ARIH2: variants seen among roughly 807,000 people sequenced by gnomAD.
The protein encoded by ARIH2 is E3 ubiquitin-protein ligase ARIH2.
ARIH2 carries 12 observed loss-of-function variants against 79.8 expected under a neutral mutation model. The ratio of observed to expected loss-of-function variants is 0.15; its 90% CI spans 0.10 to 0.24. The LOEUF is 0.24. Ranked by LOEUF, ARIH2 falls within the 10% of genes least tolerant of loss-of-function variation. The pLI, the probability that ARIH2 is intolerant of heterozygous loss-of-function variation, is 1.00. For synonymous variants in ARIH2, 224 were observed against 213.9 expected, an observed-to-expected ratio of 1.05 and a Z score of -0.41; for missense variants, 301 against 618.3, an observed-to-expected ratio of 0.49 and a Z score of 5.44.
intron 3 of ARIH2, among the ~76,000 whole-genome samples, chr3:48,929,839 A>C (rs1233534654): frequency 6.6e-6 from 1 of 152,180 alleles, no homozygotes; most frequent in Non-Finnish European, 1.5e-5. Context: ...TAGATTTCCT[A>C]GTCCCTGATA....
intron 3 of ARIH2, among the ~76,000 whole-genome samples, chr3:48,951,420 T>A (rs2089942278): frequency 6.6e-6 from 1 of 152,200 alleles, no homozygotes; most frequent in Non-Finnish European, 1.5e-5. Flanking sequence ...TGGGGTTTTT[T>A]TTCTTGGTTA....
chr3:48,930,440 C>A (rs1310783926), intron 3 of ARIH2, among the ~76,000 whole-genome samples: 1 of 152,058 alleles, frequency 6.6e-6, no homozygotes, highest in South Asian at 2.1e-4. Flanking sequence ...TGAGATTGCC[C>A]CCACTATACT....
intron 7 of ARIH2, 59 bp downstream of exon 7, chr3:48,968,714 C>T: frequency 6.4e-7 from 1 of 1,574,102 alleles, no homozygotes; most frequent in South Asian, 1.1e-5. Context: ...ATCAGAGGGT[C>T]ACCACAGTTA....
chr3:48,971,267 C>T (rs1311697368), intron 8 of ARIH2, among the ~76,000 whole-genome samples: 1 of 152,092 alleles, frequency 6.6e-6, no homozygotes, highest in Non-Finnish European at 1.5e-5. Flanking sequence ...TTTCTTGAGA[C>T]GGAGTCTTTC....
intron 3 of ARIH2, among the ~76,000 whole-genome samples, chr3:48,936,607 C>A (rs2087156565): frequency 6.6e-6 from 1 of 152,012 alleles, no homozygotes; most frequent in South Asian, 2.1e-4. Context: ...GTGGTGCATG[C>A]CTGTAGTTCC....
At position 48,965,339 on chromosome 3, in the gene ARIH2, G is replaced by A. The variant is rs539305240; in HGVS notation, c.387+357G>A. Among the ~76,000 whole-genome samples, 1,118 of 152,080 alleles carry A rather than the reference G, an allele frequency of 7.4e-3. 6 individuals are homozygous for A. Among genetic ancestry groups the A allele is most frequent in the Non-Finnish European group, 0.012 (849 of 67,972 alleles). On this transcript the variant is annotated intron_variant, in intron 5 of 15. Transcript: ENST00000356401. Reference sequence around the variant, plus strand: ...CATGCCACTGCACTCCAACCTGGGCGACAGAGCGAGACTCTGTCTCAAAAA... The same window carrying A: ...CATGCCACTGCACTCCAACCTGGGCAACAGAGCGAGACTCTGTCTCAAAAA...
At chr3:48,968,786 TA>T (rs1410065845) in intron 7 of ARIH2, 131 bp downstream of exon 7, 2 of 1,302,404 alleles carry the variant, frequency 1.5e-6, no homozygotes, top group Non-Finnish European at 2.1e-6. Context: ...TCCATGGCTT[TA>T]AAAAAAGTTT....
intron 3 of ARIH2, among the ~76,000 whole-genome samples, chr3:48,956,971 C>T (rs2090667379): frequency 6.6e-6 from 1 of 152,160 alleles, no homozygotes; most frequent in Non-Finnish European, 1.5e-5. Flanking sequence ...CCTCGGCCTC[C>T]CAAAGTGCTG....
chr3:48,967,311 G>C (rs1375609347), intron 6 of ARIH2, 36 bp downstream of exon 6: 1 of 1,601,828 alleles, frequency 6.2e-7, no homozygotes, highest in Admixed American at 1.7e-5. Context: ...AAGCTGGCAT[G>C]AAGTGTTTAT....
intron 3 of ARIH2, among the ~76,000 whole-genome samples, chr3:48,956,439 C>CA (rs1553709678): frequency 7.2e-4 from 26 of 36,258 alleles, no homozygotes; most frequent in Middle Eastern, 0.042. Context: ...GCGCCCGGCA[C>CA]TTTTTTTTTT....
At chr3:48,942,297 C>G (rs1044204894) in intron 3 of ARIH2, among the ~76,000 whole-genome samples, 1 of 151,994 alleles carries the variant, frequency 6.6e-6, no homozygotes, top group South Asian at 2.1e-4. Flanking sequence ...GAGATCTGCC[C>G]GCTTCAGCCT....
chr3:48,923,024 G>A (rs1405212429), intron 2 of ARIH2, among the ~76,000 whole-genome samples: 5 of 151,946 alleles, frequency 3.3e-5, no homozygotes, highest in South Asian at 2.1e-4. Flanking sequence ...CGGCTAAAAC[G>A]GTGAAACCCC....
intron 3 of ARIH2, among the ~76,000 whole-genome samples, chr3:48,951,996 G>A (rs943080675): frequency 1.3e-5 from 2 of 151,644 alleles, no homozygotes; most frequent in Admixed American, 1.3e-4. Flanking sequence ...TGTAATACAC[G>A]GCAGTGACTA....
intron 1 of ARIH2, among the ~76,000 whole-genome samples, chr3:48,921,795 A>G (rs904240713): frequency 5.3e-5 from 8 of 151,054 alleles, no homozygotes; most frequent in Admixed American, 3.3e-4. Context: ...TCTGTCGCCT[A>G]GACTGGAGTG....
chr3:48,959,596 G>A (rs2107513080), intron 3 of ARIH2, among the ~76,000 whole-genome samples: 1 of 122,938 alleles, frequency 8.1e-6, no homozygotes, highest in Non-Finnish European at 1.6e-5. Context: ...GAGGTCAGGA[G>A]ATCGAGACCA....
At chr3:48,923,395 G>A (rs187443262) in intron 2 of ARIH2, among the ~76,000 whole-genome samples, 26 of 145,636 alleles carry the variant, frequency 1.8e-4, no homozygotes, top group African/African-American at 6.3e-4. Context: ...GTGAGACTCT[G>A]TCTCAAAAAA....
chr3:48,973,480 G>C (rs1188402494), intron 8 of ARIH2: 1 of 376,328 alleles, frequency 2.7e-6, no homozygotes, highest in African/African-American at 2.1e-5. Flanking sequence ...GGGAGGTTGA[G>C]TCAGGAGAAT....
intron 2 of ARIH2, among the ~76,000 whole-genome samples, chr3:48,926,242 C>CGTGTGTGTGTGTGTGTGTGT (rs34080246): frequency 6.8e-6 from 1 of 148,062 alleles, no homozygotes; most frequent in African/African-American, 2.5e-5. Context: ...GAGTTTCCCT[C>CGTGTGTGTGTGTGTGTGTGT]GTGTGTGTGT....
At chr3:48,965,247 C>T (rs1460371804) in intron 5 of ARIH2, among the ~76,000 whole-genome samples, 1 of 151,886 alleles carries the variant, frequency 6.6e-6, no homozygotes, top group Non-Finnish European at 1.5e-5. Context: ...GTAGTCCCAG[C>T]TACTCGGGAG....
Sources: allele counts gnomAD v4.1 joint callset (sites outside exome capture counted in the v4.1 genomes callset), GRCh38; gene constraint gnomAD v4.1.1; transcripts MANE v1.5; gene names NCBI Gene and HGNC (gene_info 2026-07-23, HGNC 2026-07-21).